Variants in C4BPA observed in about 807,000 individuals in gnomAD.
C4BPA encodes the protein C4b-binding protein alpha chain.
In C4BPA, 31 loss-of-function variants were observed where a neutral mutation model predicts 63.7. The ratio of observed to expected loss-of-function variants is 0.49; its 90% CI spans 0.37 to 0.66. The LOEUF (loss-of-function observed/expected upper bound fraction) is 0.66, where lower values mean the gene tolerates loss of function less well. Ranked by LOEUF, C4BPA falls within the 30% of genes least tolerant of loss-of-function variation. The pLI is 0.00. For missense variants in C4BPA, 572 were observed against 723.3 expected, an observed-to-expected ratio of 0.79 and a Z score of 2.40; for synonymous variants, 259 against 254.7, an observed-to-expected ratio of 1.02 and a Z score of -0.16.
chr1:207,108,339 A>G (rs1331903526), intron 1 of C4BPA, among the ~76,000 whole-genome samples: 1 of 136,914 alleles, frequency 7.3e-6, no homozygotes, highest in Non-Finnish European at 1.5e-5. Flanking sequence ...ACCAGTCAGA[A>G]TTACACTTTT....
rs1684766493 is a variant in C4BPA, at chr1:207,115,509, C to T, written c.422C>T (p.Ser141Leu). 1.3e-6 allele frequency: 2 copies of T among 1,552,464 alleles called. No homozygotes were observed. Among genetic ancestry groups the T allele is most frequent in the South Asian group, 1.2e-5 (1 of 85,094 alleles). The change falls in exon 4 of 12, where the codon TCA becomes TTA. Residue 141 changes from serine (S) to leucine (L), a missense_variant. This residue lies in a region of C4BPA where 465 missense variants were observed against 629.4 expected (regional missense o/e 0.74). Coordinates refer to ENST00000367070, the MANE Select transcript of C4BPA (RefSeq NM_000715.4). ...GGATCACAAATAGAATTCAGCTGTT[C>T]AGAAGGGTGAGTGTGAGGTAATCTA... ...SFGSQIEFSC[S>L]EGFFLIGSTT...
chr1:207,123,303 T>C (rs910956605), intron 4 of C4BPA, among the ~76,000 whole-genome samples: 19 of 152,350 alleles, frequency 1.2e-4, no homozygotes, highest in African/African-American at 4.1e-4. Flanking sequence ...ACATTTGCTT[T>C]AGTGTTCTAT....
chr1:207,138,545 T>A (rs936608818), intron 9 of C4BPA, among the ~76,000 whole-genome samples: 4 of 152,206 alleles, frequency 2.6e-5, no homozygotes, highest in African/African-American at 9.7e-5. Flanking sequence ...AACTGTCCTG[T>A]TGACATTTAC....
intron 4 of C4BPA, among the ~76,000 whole-genome samples, chr1:207,117,322 G>C (rs917363805): frequency 2.6e-5 from 4 of 152,088 alleles, no homozygotes; most frequent in African/African-American, 9.7e-5. Context: ...GTGGTAGCAC[G>C]CACTTCTAGT....
chr1:207,129,607 C>A (rs1181083622), intron 7 of C4BPA, among the ~76,000 whole-genome samples: 1 of 152,076 alleles, frequency 6.6e-6, no homozygotes, highest in Non-Finnish European at 1.5e-5. Flanking sequence ...TACAATGTAA[C>A]CCCAGTAAGA....
At chr1:207,112,880 T>G in intron 1 of C4BPA, 121 bp from the exon 2 acceptor site, 16 of 895,100 alleles carry the variant, frequency 1.8e-5, no homozygotes, top group Non-Finnish European at 2.6e-5. Context: ...GGGGTTTTTT[T>G]GTTTTGTTTC....
intron 4 of C4BPA, among the ~76,000 whole-genome samples, chr1:207,121,209 A>C (rs1425290895): frequency 3.3e-5 from 5 of 152,170 alleles, no homozygotes; most frequent in Non-Finnish European, 7.3e-5. Context: ...TAATTTTATA[A>C]TTATTTTAAC....
intron 3 of C4BPA, 125 bp downstream of exon 3, chr1:207,114,410 A>C: frequency 1.5e-6 from 1 of 654,296 alleles, no homozygotes; most frequent in East Asian, 3.3e-5. Flanking sequence ...TTCAATGTAC[A>C]TACTTGTGGC....
intron 4 of C4BPA, among the ~76,000 whole-genome samples, chr1:207,121,298 G>A (rs1459296437): frequency 6.6e-6 from 1 of 151,866 alleles, no homozygotes; most frequent in Non-Finnish European, 1.5e-5. Context: ...TATTAAAATT[G>A]CTGCTACATA....
At chr1:207,118,363 T>A (rs776299603) in intron 4 of C4BPA, among the ~76,000 whole-genome samples, 3 of 152,184 alleles carry the variant, frequency 2.0e-5, no homozygotes, top group Non-Finnish European at 4.4e-5. Context: ...ACTGGGTAAT[T>A]TATAAAGAAA....
chr1:207,122,401 A>G (rs1485136958), intron 4 of C4BPA, among the ~76,000 whole-genome samples: 2 of 152,058 alleles, frequency 1.3e-5, no homozygotes, highest in East Asian at 1.9e-4. Context: ...TTCTTCTCAT[A>G]TGGCTTGATC....
rs577720124 is a variant in C4BPA at position 207,126,659 on chromosome 1, C to A, written c.707-54C>A. On this transcript the variant is annotated intron_variant, in intron 6 of 11. Coordinates refer to ENST00000367070, the MANE Select transcript of C4BPA (RefSeq NM_000715.4). ...ACTGGATTAGCAGTGGCAGTAATAT[C>A]CTTATTACCATCTATCTTTTAAAAT... The A allele has an allele frequency of 7.4e-6, 10 of 1,344,548 alleles. No individual in the cohort carries two copies. The East Asian group carries it at 1.6e-4, about 22-fold the overall frequency. The allele number at this position is 1,344,548 out of a possible 1,614,324, so 83.3% of individuals were successfully genotyped here. A position where few individuals can be genotyped will look rare whatever the true frequency, so the allele number is the denominator to read the frequency against.
intron 9 of C4BPA, among the ~76,000 whole-genome samples, chr1:207,135,765 G>A (rs1029524746): frequency 6.6e-6 from 1 of 152,216 alleles, no homozygotes; most frequent in Non-Finnish European, 1.5e-5. Flanking sequence ...CTCCCAGCTG[G>A]CACTTCAACT....
At chr1:207,140,290 T>C (rs548064349) in intron 9 of C4BPA, among the ~76,000 whole-genome samples, 1 of 152,342 alleles carries the variant, frequency 6.6e-6, no homozygotes, top group Non-Finnish European at 1.5e-5. Context: ...TGGTGCGTTT[T>C]TCAGTGTACA....
intron 7 of C4BPA, among the ~76,000 whole-genome samples, chr1:207,129,940 T>A (rs1459942131): frequency 6.6e-6 from 1 of 152,192 alleles, no homozygotes; most frequent in Non-Finnish European, 1.5e-5. Flanking sequence ...TTCTGTACTA[T>A]AATACAGCTT....
At position 207,124,024 on chromosome 1, in the gene C4BPA, C is replaced by T; in HGVS notation, c.514+17C>T. ...AATGTGAAAGTAAGTAAAGACTCTT[C>T]TGACTTGACTATCAATTTAAACTCT... On this transcript the variant is annotated intron_variant, in intron 5 of 11. Coordinates refer to ENST00000367070, the MANE Select transcript of C4BPA (RefSeq NM_000715.4). 1.3e-6 allele frequency: 2 copies of T among 1,568,906 alleles called. No homozygotes were observed. Among genetic ancestry groups the T allele is most frequent in the Non-Finnish European group, 1.8e-6 (2 of 1,140,328 alleles).
Position 207,123,937 on chromosome 1 carries a change from C to T in C4BPA, c.444C>T (p.Gly148=). Residue 148 remains glycine, a synonymous_variant, in exon 5 of 12, where the codon GGC becomes GGT. Transcript: ENST00000367070. The stretch of plus-strand genomic sequence containing the variant: ...TCTTATTCAGATTTTTCTTAATTGG[C>T]TCAACCACTAGTCGTTGTGAAGTCC... ...FSCSEGFFLI[G]STTSRCEVQD... 14 of 1,608,254 alleles carry T rather than the reference C, an allele frequency of 8.7e-6. No individual in the cohort carries two copies. The highest frequency in any genetic ancestry group is 1.1e-5 in the Non-Finnish European group (13 of 1,175,774).
chr1:207,137,869 C>T (rs1460387566), intron 9 of C4BPA, among the ~76,000 whole-genome samples: 2 of 152,296 alleles, frequency 1.3e-5, no homozygotes, highest in Admixed American at 6.5e-5. Flanking sequence ...CCGCCCACCT[C>T]GGCCTCCCGA....
chr1:207,124,398 T>G (rs373671961), intron 6 of C4BPA, 32 bp downstream of exon 6: 310 of 1,518,844 alleles, frequency 2.0e-4, no homozygotes, highest in Non-Finnish European at 2.6e-4. Context: ...TGCATCAAAA[T>G]GTTTGCTCTC....
Sources: allele counts gnomAD v4.1 joint callset (sites outside exome capture counted in the v4.1 genomes callset), GRCh38; gene constraint gnomAD v4.1.1; regional missense constraint gnomAD v4.1.1; transcripts MANE v1.5; gene names NCBI Gene and HGNC (gene_info 2026-07-23, HGNC 2026-07-21).